The following DLGAP1 variants were observed in gnomAD, a reference collection of about 807,000 sequenced individuals.
The protein encoded by DLGAP1 is disks large-associated protein 1.
Under a neutral mutation model 90.8 loss-of-function variants are expected in DLGAP1, and 11 were observed. The ratio of observed to expected loss-of-function variants is 0.12; its 90% CI spans 0.08 to 0.20. The LOEUF is 0.20. Ranked by LOEUF, DLGAP1 falls within the 10% of genes least tolerant of loss-of-function variation. The pLI, the probability that DLGAP1 is intolerant of heterozygous loss-of-function variation, is 1.00. For missense variants in DLGAP1, 1,050 were observed against 1,333.8 expected, an observed-to-expected ratio of 0.79 and a Z score of 3.31; for synonymous variants, 558 against 540.7, an observed-to-expected ratio of 1.03 and a Z score of -0.44.
intron 1 of DLGAP1, among the ~76,000 whole-genome samples, chr18:4,346,528 C>G (rs1384665691): frequency 6.6e-6 from 1 of 152,152 alleles, no homozygotes; most frequent in Non-Finnish European, 1.5e-5. Flanking sequence ...ACTTAATCTT[C>G]AGATGAGATG....
chr18:4,436,526 A>C (rs2083401849), intron 1 of DLGAP1, among the ~76,000 whole-genome samples: 1 of 152,026 alleles, frequency 6.6e-6, no homozygotes, highest in Non-Finnish European at 1.5e-5. Flanking sequence ...TTATCCCTAA[A>C]TGGACACTAA....
intron 1 of DLGAP1, among the ~76,000 whole-genome samples, chr18:4,416,504 C>G (rs2082902838): frequency 1.3e-5 from 2 of 152,196 alleles, no homozygotes; most frequent in South Asian, 4.1e-4. Flanking sequence ...CAACATACAC[C>G]ATGAGCTTTT....
At chr18:4,008,609 T>A (rs866365430) in intron 2 of DLGAP1, among the ~76,000 whole-genome samples, 1 of 152,202 alleles carries the variant, frequency 6.6e-6, no homozygotes, top group Non-Finnish European at 1.5e-5. Context: ...TGCCTAGCAA[T>A]TTTGAACTTT....
chr18:4,239,367 CAAAG>C (rs1192762078), intron 1 of DLGAP1, among the ~76,000 whole-genome samples: 1 of 151,760 alleles, frequency 6.6e-6, no homozygotes, highest in African/African-American at 2.4e-5. Flanking sequence ...GTTTTTTAAA[CAAAG>C]GAACTGAAGA....
intron 5 of DLGAP1, among the ~76,000 whole-genome samples, chr18:3,757,826 CTG>C (rs1568081237): frequency 1.3e-5 from 2 of 152,014 alleles, no homozygotes; most frequent in Non-Finnish European, 2.9e-5. Context: ...TTCTATAAGA[CTG>C]AGAGAGGGTG....
At chr18:3,580,380 A>G in intron 8 of DLGAP1, 1 of 1,613,956 alleles carries the variant, frequency 6.2e-7, no homozygotes. Context: ...TTTCAGAGCC[A>G]CATACCTAAG....
intron 5 of DLGAP1, among the ~76,000 whole-genome samples, chr18:3,783,179 G>A (rs2065277287): frequency 6.6e-6 from 1 of 152,100 alleles, no homozygotes. Flanking sequence ...TGGAGAAATT[G>A]GAGCGCTTAT....
chr18:4,280,663 C>T (rs1438405009), intron 1 of DLGAP1: 2 of 152,212 alleles, frequency 1.3e-5, no homozygotes, highest in Non-Finnish European at 2.9e-5. Context: ...GACTTTTCTA[C>T]AGTCTGATAA....
chr18:4,370,880 T>C (rs1042859096), intron 1 of DLGAP1, among the ~76,000 whole-genome samples: 2 of 152,128 alleles, frequency 1.3e-5, no homozygotes, highest in African/African-American at 4.8e-5. Context: ...CAATTATATT[T>C]TCAGTAATAT....
intron 1 of DLGAP1, among the ~76,000 whole-genome samples, chr18:4,283,814 T>A (rs1299182844): frequency 2.0e-5 from 3 of 151,968 alleles, no homozygotes; most frequent in African/African-American, 4.8e-5. Context: ...CACTCTTTTT[T>A]ATAAAACTAT....
chr18:4,268,104 G>A lies in DLGAP1; in HGVS notation c.-266-116817C>T, dbSNP rs148570865. 2.3e-3 allele frequency among the ~76,000 whole-genome samples: 348 copies of A among 152,292 alleles called. 1 individual carries two copies. The highest frequency in any genetic ancestry group is 7.8e-3 in the African/African-American group (325 of 41,562). ...TGTTTGTTCAGTTTCTGACAGGATGGTTACTACCTCAGGTGGCAGCCTATT... is the reference window on the plus strand; with the variant it reads ...TGTTTGTTCAGTTTCTGACAGGATGATTACTACCTCAGGTGGCAGCCTATT... On this transcript the variant is annotated intron_variant, in intron 1 of 12. Coordinates refer to ENST00000315677, the MANE Select transcript of DLGAP1 (RefSeq NM_004746.4).
intron 7 of DLGAP1, among the ~76,000 whole-genome samples, chr18:3,642,906 A>T (rs1265581180): frequency 6.6e-6 from 1 of 152,094 alleles, no homozygotes; most frequent in Non-Finnish European, 1.5e-5. Context: ...CAAACCAGCT[A>T]CTCTTCGACA....
At position 3,508,656 on chromosome 18, in the gene DLGAP1, C is replaced by T. The variant is rs770425612; in HGVS notation, c.2485G>A (p.Gly829Arg). The T allele has an allele frequency of 1.1e-5, 17 of 1,613,212 alleles. No individual in the cohort carries two copies. In the Admixed American group the frequency reaches 2.3e-4, roughly 22 times the overall value. ...CTGCCCACTGCGGTTCGGATTTTTC[C>T]TAGAACTGGAAAGAGCAAACATACG... Reference protein sequence around the residue: ...RENNLPEDILGKIRTAVGSAQ... With the variant: ...RENNLPEDILRKIRTAVGSAQ... Residue 829 changes from glycine to arginine, a missense_variant, in exon 11 of 13, where the codon GGA becomes AGA. Gly to Arg is a moderately radical substitution (Grantham distance 125). Transcript: ENST00000315677.
intron 1 of DLGAP1, among the ~76,000 whole-genome samples, chr18:4,440,019 C>T (rs1239025907): frequency 6.8e-6 from 1 of 147,308 alleles, no homozygotes; most frequent in Non-Finnish European, 1.5e-5. Context: ...ACTCGGGAGG[C>T]TGAGGCAGGA....
intron 4 of DLGAP1, among the ~76,000 whole-genome samples, chr18:3,858,144 C>T (rs1251165077): frequency 6.6e-6 from 1 of 152,078 alleles, no homozygotes; most frequent in Non-Finnish European, 1.5e-5. Flanking sequence ...TATTCTTTCT[C>T]CTACATTAAT....
intron 7 of DLGAP1, among the ~76,000 whole-genome samples, chr18:3,663,454 C>T (rs11663984): frequency 0.22 from 33,213 of 152,082 alleles, 3,786 homozygotes; most frequent in African/African-American, 0.23. Flanking sequence ...GTGGCATCTT[C>T]GTTATTCCCT....
chr18:3,782,176 G>C (rs1048446292), intron 5 of DLGAP1, among the ~76,000 whole-genome samples: 9 of 145,996 alleles, frequency 6.2e-5, no homozygotes, highest in African/African-American at 7.6e-5. Flanking sequence ...TTGTTCTGTT[G>C]TCCAGGCTGG....
At chr18:3,933,495 T>C (rs1347139430) in intron 3 of DLGAP1, among the ~76,000 whole-genome samples, 2 of 152,246 alleles carry the variant, frequency 1.3e-5, no homozygotes, top group Non-Finnish European at 2.9e-5. Context: ...GTTTGATGGA[T>C]TCAAAGCTTA....
Position 4,060,970 on chromosome 18 carries a change from G to A in DLGAP1, c.-158-55769C>T, listed in dbSNP as rs576016852. On this transcript the variant is annotated intron_variant, in intron 2 of 12. Transcript: ENST00000315677. ...TAAATGCATCATGAAGTGCTACTAC[G>A]ACTCTTAACTGTACAACTTGCCTTC... Among the ~76,000 whole-genome samples the A allele has an allele frequency of 7.2e-5, 11 of 152,262 alleles. No individual in the cohort carries two copies. The East Asian group carries it at 2.1e-3, about 29-fold the overall frequency.
Sources: allele counts gnomAD v4.1 joint callset (sites outside exome capture counted in the v4.1 genomes callset), GRCh38; gene constraint gnomAD v4.1.1; transcripts MANE v1.5; gene names NCBI Gene and HGNC (gene_info 2026-07-23, HGNC 2026-07-21).